The following TMEM178B variants were observed in gnomAD, a reference collection of about 807,000 sequenced individuals.
The protein encoded by TMEM178B is transmembrane protein 178B.
TMEM178B carries 5 observed loss-of-function variants against 31.0 expected under a neutral mutation model. The ratio of observed to expected loss-of-function variants is 0.16; its 90% CI spans 0.08 to 0.34. TMEM178B has a LOEUF of 0.34. Among genes scored for constraint, TMEM178B ranks in the 10% least tolerant of loss-of-function variants. The pLI is 1.00. For synonymous variants in TMEM178B, 164 were observed against 164.0 expected (o/e 1.00, Z 0.00); for missense variants, 275 against 400.3 (o/e 0.69, Z 2.67).
chr7:141,430,757 TC>T (rs1469049371), intron 2 of TMEM178B, among the ~76,000 whole-genome samples: 1 of 152,194 alleles, frequency 6.6e-6, no homozygotes, highest in Non-Finnish European at 1.5e-5. Flanking sequence ...AGATTCTCTC[TC>T]TCTCTCTTTC....
chr7:141,469,069 C>T (rs920108327), intron 3 of TMEM178B, among the ~76,000 whole-genome samples: 4 of 152,182 alleles, frequency 2.6e-5, no homozygotes, highest in African/African-American at 9.7e-5. Flanking sequence ...TTGAACATGC[C>T]TAGCCCCCAG....
At position 141,316,080 on chromosome 7, in the gene TMEM178B, G is replaced by A. The variant is rs1799000740; in HGVS notation, c.496+103376G>A. Among the ~76,000 whole-genome samples, 3 of 152,122 alleles carry A rather than the reference G, an allele frequency of 2.0e-5. No individual in the cohort carries two copies. The South Asian group carries it at 6.2e-4, about 32-fold the overall frequency. On this transcript the variant is annotated intron_variant, in intron 2 of 3. Transcript: ENST00000565468. ...GATGCCCGGGGTGGAATTTGCCAGT[G>A]GTCATATGTTTGAACTCTAGGGAGG...
At chr7:141,231,796 T>A (rs1797451799) in intron 2 of TMEM178B, among the ~76,000 whole-genome samples, 1 of 152,238 alleles carries the variant, frequency 6.6e-6, no homozygotes, top group Non-Finnish European at 1.5e-5. Context: ...CTTTCCTTTT[T>A]CCCATCAACT....
rs1802341695 is a variant in TMEM178B, at chr7:141,475,264, C to CA, written c.*4479dup. 2.0e-5 allele frequency: 3 copies of CA among 152,146 alleles called. No homozygotes were observed. Among genetic ancestry groups the CA allele is most frequent in the Admixed American group, 2.0e-4 (3 of 15,268 alleles). 9.4% of individuals were successfully genotyped at this position (152,146 alleles called of 1,614,324 possible). Reference sequence around the variant, plus strand: ...AGAACCCCACCAGAGTTGACATACACACGTGATTCTCGTGTCTGTCTCTCA... The same window carrying CA: ...AGAACCCCACCAGAGTTGACATACACAACGTGATTCTCGTGTCTGTCTCTCA... On this transcript the variant is annotated 3_prime_UTR_variant, in exon 4 of 4. Coordinates refer to ENST00000565468, the MANE Select transcript of TMEM178B (RefSeq NM_001195278.2).
chr7:141,097,221 G>A (rs553694082), intron 1 of TMEM178B, among the ~76,000 whole-genome samples: 7 of 150,506 alleles, frequency 4.7e-5, no homozygotes, highest in East Asian at 2.0e-4. Flanking sequence ...ATCCTATATC[G>A]CAGCTAACAT....
chr7:141,476,575 ATCT>A lies in TMEM178B; in HGVS notation c.*5794_*5796del, dbSNP rs1312579721. On this transcript the variant is annotated 3_prime_UTR_variant, in exon 4 of 4. Coordinates refer to ENST00000565468, the MANE Select transcript of TMEM178B (RefSeq NM_001195278.2). ...TGAGACCAAGTCTCAAGGAGCTGGG[ATCT>A]TCTTTCTCTTGTCAGTTGCTGAAGC... The A allele has an allele frequency of 6.6e-6, 1 of 152,230 alleles. No individual in the cohort carries two copies. Among genetic ancestry groups the A allele is most frequent in the Non-Finnish European group, 1.5e-5 (1 of 68,046 alleles). The allele number at this position is 152,230 out of a possible 1,614,324, so 9.4% of individuals were successfully genotyped here.
chr7:141,271,579 C>A (rs139548972), intron 2 of TMEM178B, among the ~76,000 whole-genome samples: 1 of 152,286 alleles, frequency 6.6e-6, no homozygotes, highest in African/African-American at 2.4e-5. Flanking sequence ...TGAAAGGCAC[C>A]ATGGAGCTTC....
At chr7:141,215,774 TTTCC>T (rs1432951741) in intron 2 of TMEM178B, among the ~76,000 whole-genome samples, 1 of 144,420 alleles carries the variant, frequency 6.9e-6, no homozygotes. Context: ...AATTATATAC[TTTCC>T]TTTCTTTCTT....
Position 141,215,334 on chromosome 7 carries a change from A to ATTTTTTTTTT in TMEM178B, c.496+2632_496+2633insTTTTTTTTTT, listed in dbSNP as rs779584995. ...TATCATCTTTATTATTATTATTATT[A>ATTTTTTTTTT]TTATTTTTTGAGATGGAGTCTCACT... On this transcript the variant is annotated intron_variant, in intron 2 of 3. Coordinates refer to ENST00000565468, the MANE Select transcript of TMEM178B (RefSeq NM_001195278.2). Among the ~76,000 whole-genome samples the ATTTTTTTTTT allele has an allele frequency of 4.9e-3, 290 of 59,108 alleles. 2 individuals are homozygous for ATTTTTTTTTT. The highest frequency in any genetic ancestry group is 0.029 in the East Asian group (42 of 1,428). 38.8% of individuals were successfully genotyped at this position (59,108 alleles called of 152,430 possible). A position where few individuals can be genotyped will look rare whatever the true frequency, so the allele number is the denominator to read the frequency against.
chr7:141,409,445 G>A (rs568998399), intron 2 of TMEM178B, among the ~76,000 whole-genome samples: 3 of 152,306 alleles, frequency 2.0e-5, no homozygotes, highest in African/African-American at 7.2e-5. Context: ...TTTCTGTGCT[G>A]CTGTTTCCTC....
intron 2 of TMEM178B, among the ~76,000 whole-genome samples, chr7:141,229,642 GC>G: frequency 6.6e-6 from 1 of 152,050 alleles, no homozygotes; most frequent in East Asian, 1.9e-4. Context: ...CAAATTACAG[GC>G]TGGGCATGAT....
At chr7:141,267,672 A>C (rs918515657) in intron 2 of TMEM178B, among the ~76,000 whole-genome samples, 7 of 152,252 alleles carry the variant, frequency 4.6e-5, no homozygotes, top group African/African-American at 1.7e-4. Flanking sequence ...CTTCACCGGC[A>C]CTGCTACAGT....
In TMEM178B at chr7:141,126,836, C is replaced by G. The variant is rs139628506; in HGVS notation, c.382+52144C>G. On this transcript the variant is annotated intron_variant, in intron 1 of 3. Coordinates refer to ENST00000565468, the MANE Select transcript of TMEM178B (RefSeq NM_001195278.2). ...ATTTTGAGACCGAAACTAACCATCT[C>G]CTCTTTGGTATCTTCTCAAAGTGTG... Among the ~76,000 whole-genome samples the G allele has an allele frequency of 3.9e-3, 584 of 151,498 alleles. 5 individuals carry two copies. Among genetic ancestry groups the G allele is most frequent in the East Asian group, 0.018 (93 of 5,138 alleles).
At chr7:141,499,867 A>C in the TMEM178B span, among the ~76,000 whole-genome samples, 1 of 152,234 alleles carries the variant, frequency 6.6e-6, no homozygotes, top group South Asian at 2.1e-4. Context: ...AGAAATCCAC[A>C]TGCAAATATC....
At chr7:141,260,347 A>G (rs556828376) in intron 2 of TMEM178B, among the ~76,000 whole-genome samples, 1 of 152,308 alleles carries the variant, frequency 6.6e-6, no homozygotes, top group Non-Finnish European at 1.5e-5. Context: ...GCAGATTCCC[A>G]CTGATCTTGG....
chr7:141,192,590 G>A (rs1043780742), intron 1 of TMEM178B, among the ~76,000 whole-genome samples: 9 of 150,820 alleles, frequency 6.0e-5, no homozygotes, highest in South Asian at 2.2e-4. Context: ...CCAGCCTCCC[G>A]AATAGCTGCG....
At chr7:141,336,627 T>C (rs1205302982) in intron 2 of TMEM178B, among the ~76,000 whole-genome samples, 1 of 151,976 alleles carries the variant, frequency 6.6e-6, no homozygotes, top group East Asian at 1.9e-4. Flanking sequence ...ATGATATCAA[T>C]AGGACGCTAT....
At chr7:141,084,355 A>G (rs1245326582) in intron 1 of TMEM178B, among the ~76,000 whole-genome samples, 3 of 152,224 alleles carry the variant, frequency 2.0e-5, no homozygotes, top group Non-Finnish European at 4.4e-5. Flanking sequence ...CATTTCACTG[A>G]ACTTATTTAA....
At chr7:141,099,566 T>C (rs1178189006) in intron 1 of TMEM178B, among the ~76,000 whole-genome samples, 1 of 152,134 alleles carries the variant, frequency 6.6e-6, no homozygotes, top group Non-Finnish European at 1.5e-5. Flanking sequence ...CAGATCAGAG[T>C]AGACCTCCAC....
Sources: allele counts gnomAD v4.1 joint callset (sites outside exome capture counted in the v4.1 genomes callset), GRCh38; gene constraint gnomAD v4.1.1; transcripts MANE v1.5; gene names NCBI Gene and HGNC (gene_info 2026-07-23, HGNC 2026-07-21).